Variants in MPPE1 observed in about 807,000 individuals in gnomAD.
The protein encoded by MPPE1 is metallophosphoesterase 1, also known as metallo phosphoesterase.
In MPPE1, 28 loss-of-function variants were observed where a neutral mutation model predicts 43.8. The observed-to-expected ratio is 0.64, with a 90% confidence interval of 0.47 to 0.88. The LOEUF (loss-of-function observed/expected upper bound fraction) is 0.88. Ranked by LOEUF, MPPE1 falls within the 40% of genes least tolerant of loss-of-function variation. MPPE1 has a pLI of 0.00. For missense variants in MPPE1, 428 were observed against 492.2 expected (o/e 0.87, Z 1.23); for synonymous variants, 159 against 188.5 (o/e 0.84, Z 1.28).
Position 11,884,447 on chromosome 18 carries a change from A to G in MPPE1, c.1189T>C (p.Ter397ArgextTer26). 6.2e-7 allele frequency: 1 copy of G among 1,613,300 alleles called. No individual in the cohort carries two copies. Among genetic ancestry groups the G allele is most frequent in the Non-Finnish European group, 8.5e-7 (1 of 1,179,464 alleles). The change falls in exon 11 of 11, where the codon TGA (stop) becomes CGA (arginine). Residue 397 changes from the stop codon to arginine, a stop_lost. Transcript: ENST00000588072. ...LNLLGKRKTR[*>R] ...ATATTTATAATGGCGCCTGCTCTTC[A>G]TCTTGTCTTACGCTTTCCGAGCAAG...
At chr18:11,890,177 C>G (rs1057228054) in intron 4 of MPPE1, among the ~76,000 whole-genome samples, 8 of 152,038 alleles carry the variant, frequency 5.3e-5, no homozygotes, top group Non-Finnish European at 8.8e-5. Context: ...CTCCTGACCT[C>G]ATGATCCGCC....
chr18:11,906,833 A>T (rs898046087), intron 1 of MPPE1, among the ~76,000 whole-genome samples: 2 of 149,916 alleles, frequency 1.3e-5, no homozygotes, highest in Non-Finnish European at 2.9e-5. Flanking sequence ...CAGCCTGGGC[A>T]ACAAGAGCGA....
intron 3 of MPPE1, among the ~76,000 whole-genome samples, 171 bp downstream of exon 3, chr18:11,896,813 A>T (rs2038662084): frequency 6.6e-6 from 1 of 152,212 alleles, no homozygotes; most frequent in African/African-American, 2.4e-5. Flanking sequence ...GGGGCCCTGT[A>T]TATATCCTCA....
chr18:11,894,701 C>G (rs979917094), intron 3 of MPPE1, among the ~76,000 whole-genome samples: 14 of 152,134 alleles, frequency 9.2e-5, no homozygotes, highest in Admixed American at 6.6e-5. Context: ...AATGATTCTT[C>G]CGCCTCAGCC....
chr18:11,900,570 T>C (rs1297112461), intron 2 of MPPE1, among the ~76,000 whole-genome samples: 1 of 151,944 alleles, frequency 6.6e-6, no homozygotes, highest in African/African-American at 2.4e-5. Context: ...TACACTGGTG[T>C]CTATAAGCAA....
intron 4 of MPPE1, among the ~76,000 whole-genome samples, chr18:11,892,301 C>T (rs557319803): frequency 6.7e-6 from 1 of 150,354 alleles, no homozygotes; most frequent in Admixed American, 6.7e-5. Flanking sequence ...AATCACACCA[C>T]TGCACTGCAG....
intron 4 of MPPE1, among the ~76,000 whole-genome samples, chr18:11,892,587 C>T (rs765470216): frequency 1.3e-5 from 2 of 151,440 alleles, no homozygotes; most frequent in African/African-American, 2.4e-5. Context: ...GCAGGACAAT[C>T]GCTTGAACCT....
chr18:11,897,421 A>G, intron 2 of MPPE1, 65 bp from the exon 3 acceptor site: 2 of 649,294 alleles, frequency 3.1e-6, no homozygotes, highest in African/African-American at 1.8e-5. Context: ...ACCTCCCTCT[A>G]TTAAGAACTA....
At chr18:11,891,521 C>G (rs1187720753) in intron 4 of MPPE1, 3 of 152,226 alleles carry the variant, frequency 2.0e-5, no homozygotes, top group Non-Finnish European at 2.9e-5. Flanking sequence ...ATCAGAATAA[C>G]AGACATAGAA....
chr18:11,885,732 C>T lies in MPPE1; in HGVS notation c.952G>A (p.Glu318Lys), dbSNP rs755998099. The change falls in exon 10 of 11, where the codon GAG (glutamate) becomes AAG (lysine). Residue 318 changes from glutamate (E) to lysine (K), a missense_variant. By Grantham distance (56) the Glu-to-Lys change is moderately conservative. Transcript: ENST00000588072. ...CEVHHGGRVP[E>K]LSVPSFSWRN... The stretch of plus-strand genomic sequence containing the variant: ...CAACTGAAAGATGGGACGCTGAGCT[C>T]GGGGACTCGGCCCCCGTGGTGCACC... 1.9e-6 allele frequency: 3 copies of T among 1,614,034 alleles called. No individual in the cohort carries two copies. The highest frequency in any genetic ancestry group is 2.5e-6 in the Non-Finnish European group (3 of 1,179,908).
intron 10 of MPPE1, chr18:11,885,415 A>C (rs2037054644): frequency 1.0e-5 from 5 of 494,034 alleles, no homozygotes; most frequent in Middle Eastern, 1.1e-3. Context: ...AGAGGAGAGG[A>C]TACGGCCCTC....
chr18:11,887,963 C>T (rs2037527366), intron 6 of MPPE1, among the ~76,000 whole-genome samples: 1 of 152,168 alleles, frequency 6.6e-6, no homozygotes, highest in Non-Finnish European at 1.5e-5. Context: ...CTGCTGTGTC[C>T]AAGGTCAACA....
At chr18:11,892,005 G>T (rs1160712375) in intron 4 of MPPE1, among the ~76,000 whole-genome samples, 1 of 150,358 alleles carries the variant, frequency 6.7e-6, no homozygotes, top group Non-Finnish European at 1.5e-5. Context: ...GCACTAAGTT[G>T]CCCAGGCTGG....
chr18:11,906,874 T>G (rs2039773844), intron 1 of MPPE1, among the ~76,000 whole-genome samples: 1 of 149,580 alleles, frequency 6.7e-6, no homozygotes, highest in Non-Finnish European at 1.5e-5. Flanking sequence ...AAAAAAAAAT[T>G]TATCTTTGAA....
rs775301962 is a variant in MPPE1 at position 11,893,552 on chromosome 18, G to A, written c.306C>T (p.Phe102=). ...GCTGCAGCAACCACAGAGCTGTCTG[G>A]AACGCTCTCTCCATCTGCCATTCCC... ...LRREWQMERA[F]QTALWLLQPE... is the part of the protein sequence containing the mutation. Residue 102 remains phenylalanine (F), a synonymous_variant, in exon 4 of 11, where the codon TTC becomes TTT. Coordinates refer to ENST00000588072, the MANE Select transcript of MPPE1 (RefSeq NM_023075.6). 5 of 1,614,092 alleles carry A rather than the reference G, an allele frequency of 3.1e-6. No individual in the cohort carries two copies. The highest frequency in any genetic ancestry group is 2.2e-5 in the South Asian group (2 of 91,086).
In MPPE1 at chr18:11,883,249, C is replaced by T. The variant is rs995449938; in HGVS notation, c.*1196G>A. 2.0e-5 allele frequency: 3 copies of T among 152,132 alleles called. No homozygotes were observed. The highest frequency in any genetic ancestry group is 7.2e-5 in the African/African-American group (3 of 41,416). 9.4% of individuals were successfully genotyped at this position (152,132 alleles called of 1,614,324 possible). Reference sequence around the variant, plus strand: ...TCCCCATCCACTGTCTCATAAAGCCCTCAGCTGAACTAAGATAAATAATAC... The same window carrying T: ...TCCCCATCCACTGTCTCATAAAGCCTTCAGCTGAACTAAGATAAATAATAC... On this transcript the variant is annotated 3_prime_UTR_variant, in exon 11 of 11. Transcript: ENST00000588072.
At chr18:11,888,621 A>G (rs773604165) in intron 6 of MPPE1, 48 bp downstream of exon 6, 6 of 1,176,050 alleles carry the variant, frequency 5.1e-6, no homozygotes, top group Non-Finnish European at 7.4e-6. Context: ...TAAAAAATGA[A>G]GTTTCCAAGG....
At chr18:11,894,357 G>A (rs2038338583) in intron 3 of MPPE1, among the ~76,000 whole-genome samples, 1 of 150,982 alleles carries the variant, frequency 6.6e-6, no homozygotes. Flanking sequence ...GAACCCAGGA[G>A]GCGGAGGTTG....
chr18:11,890,035 G>C (rs1035688764), intron 4 of MPPE1, among the ~76,000 whole-genome samples: 16 of 149,124 alleles, frequency 1.1e-4, no homozygotes, highest in East Asian at 4.1e-4. Context: ...CTCTGCCTCC[G>C]GGGTTCACGC....
Sources: gnomAD v4.1 joint callset for allele counts (sites outside exome capture counted in the v4.1 genomes callset) on GRCh38, gnomAD v4.1.1 for gene constraint, MANE v1.5 for transcripts, NCBI Gene and HGNC (gene_info 2026-07-23, HGNC 2026-07-21) for gene names.